CD164: variants seen among roughly 807,000 people sequenced by gnomAD.
CD164 encodes the protein CD164 molecule.
A neutral mutation model predicts 24.6 loss-of-function variants in CD164; 11 were observed. That is an observed-to-expected ratio of 0.45 (90% confidence interval 0.28 to 0.74). The LOEUF is 0.74. Ranked by LOEUF, CD164 falls within the 30% of genes least tolerant of loss-of-function variation. The probability of loss-of-function intolerance (pLI) is 0.13; values close to 1 mark genes in which losing one functional copy is unlikely to be tolerated. For missense variants in CD164, 295 were observed against 243.7 expected (o/e 1.21, Z -1.40); for synonymous variants, 126 against 100.3 (o/e 1.26, Z -1.53).
intron 3 of CD164, among the ~76,000 whole-genome samples, chr6:109,377,398 G>A (rs1008687087): frequency 6.6e-6 from 1 of 152,096 alleles, no homozygotes; most frequent in Non-Finnish European, 1.5e-5. Flanking sequence ...GCAGCTTCAA[G>A]TAGAATTTTA....
intron 2 of CD164, 65 bp downstream of exon 2, chr6:109,379,514 G>T (rs758455228): frequency 8.4e-7 from 1 of 1,186,044 alleles, no homozygotes; most frequent in Non-Finnish European, 1.2e-6. Flanking sequence ...ACTTTCAAGT[G>T]TTCAAGAATT....
intron 5 of CD164, among the ~76,000 whole-genome samples, chr6:109,369,747 C>T (rs1176819352): frequency 6.6e-6 from 1 of 151,958 alleles, no homozygotes; most frequent in East Asian, 1.9e-4. Context: ...AATGGCTTCA[C>T]TGAAACTGAG....
intron 2 of CD164, 61 bp from the exon 3 acceptor site, chr6:109,378,032 A>G: frequency 7.5e-7 from 1 of 1,334,572 alleles, no homozygotes; most frequent in South Asian, 1.2e-5. Context: ...ATTATCTTTG[A>G]CTCTGCTACT....
chr6:109,377,612 C>T (rs530992229), intron 3 of CD164, among the ~76,000 whole-genome samples: 3 of 148,832 alleles, frequency 2.0e-5, no homozygotes, highest in Non-Finnish European at 3.0e-5. Flanking sequence ...GCAAACATAG[C>T]GGCTAAACTG....
At chr6:109,371,398 G>T (rs1229235957) in intron 4 of CD164, 4 of 153,114 alleles carry the variant, frequency 2.6e-5, no homozygotes, top group Non-Finnish European at 5.9e-5. Flanking sequence ...TTACAGGCAT[G>T]TGCCACCACA....
At chr6:109,370,488 C>A in intron 4 of CD164, 21 bp from the exon 5 acceptor site, 1 of 1,603,936 alleles carries the variant, frequency 6.2e-7, no homozygotes, top group South Asian at 1.1e-5. Context: ...AACAAAATGT[C>A]TTTTTAAAAA....
rs753642485 is a variant in CD164, at chr6:109,382,393, T to G, written c.-15A>C. The G allele has an allele frequency of 1.3e-5, 19 of 1,513,030 alleles. No individual in the cohort carries two copies. Among genetic ancestry groups the G allele is most frequent in the Non-Finnish European group, 1.7e-5 (19 of 1,132,500 alleles). 93.7% of individuals were successfully genotyped at this position (1,513,030 alleles called of 1,614,324 possible). A position where few individuals can be genotyped will look rare whatever the true frequency, so the allele number is the denominator to read the frequency against. On this transcript the variant is annotated 5_prime_UTR_variant, in exon 1 of 6. Transcript: ENST00000310786. ...AGCCGCGACATCGTGTCCTCAGCGC[T>G]GGCGTTCGGGAGAAAGCTAAGGCTC...
intron 1 of CD164, chr6:109,380,640 G>A (rs1389394576): frequency 1.3e-5 from 2 of 152,204 alleles, no homozygotes; most frequent in Non-Finnish European, 2.9e-5. Flanking sequence ...TGCTTGACGG[G>A]TGTAGCAAAG....
chr6:109,382,285 T>C lies in CD164; in HGVS notation c.94A>G (p.Asn32Asp). The change falls in exon 1 of 6, where the codon AAC (asparagine) becomes GAC (aspartate). Residue 32 changes from asparagine (N) to aspartate (D), a missense_variant. Transcript: ENST00000310786. ...GAGATGGGCGCTAAAGTCGTCACGT[T>C]CGGGTGCTGGGTCGTGTTCTTGTCC... ...SADKNTTQHP[N>D]VTTLAPISNV... is the part of the protein sequence containing the mutation. 6.3e-7 allele frequency: 1 copy of C among 1,586,924 alleles called. No homozygotes were observed. Among genetic ancestry groups the C allele is most frequent in the Non-Finnish European group, 8.6e-7 (1 of 1,169,354 alleles).
Position 109,367,345 on chromosome 6 carries a change from T to C in CD164, c.*1506A>G, listed in dbSNP as rs936997181. Reference sequence around the variant, plus strand: ...TGTTTATGAAATGAAACAAAGCAGTTTGTCATTTCTTACTATAAAATATTG... The same window carrying C: ...TGTTTATGAAATGAAACAAAGCAGTCTGTCATTTCTTACTATAAAATATTG... On this transcript the variant is annotated 3_prime_UTR_variant, in exon 6 of 6. Coordinates refer to ENST00000310786, the MANE Select transcript of CD164 (RefSeq NM_006016.6). 4.6e-5 allele frequency: 7 copies of C among 152,594 alleles called. No individual in the cohort carries two copies. The highest frequency in any genetic ancestry group is 1.9e-4 in the East Asian group (1 of 5,202). 9.5% of individuals were successfully genotyped at this position (152,594 alleles called of 1,614,324 possible).
intron 1 of CD164, 69 bp from the exon 2 acceptor site, chr6:109,379,731 C>T (rs1771628641): frequency 1.7e-6 from 2 of 1,197,378 alleles, no homozygotes; most frequent in South Asian, 1.3e-5. Context: ...ATCTGTATTA[C>T]TTATCTTTTT....
intron 1 of CD164, among the ~76,000 whole-genome samples, chr6:109,381,015 A>G (rs979015233): frequency 6.6e-6 from 1 of 152,226 alleles, no homozygotes; most frequent in Non-Finnish European, 1.5e-5. Context: ...TAAAATACTA[A>G]AACTAGAGGA....
In CD164 at chr6:109,368,290, A is replaced by G; in HGVS notation, c.*561T>C. 1 of 1,543,246 alleles carries G rather than the reference A, an allele frequency of 6.5e-7. No homozygotes were observed. The highest frequency in any genetic ancestry group is 8.7e-7 in the Non-Finnish European group (1 of 1,143,178). On this transcript the variant is annotated 3_prime_UTR_variant, in exon 6 of 6. Transcript: ENST00000310786. ...CTAATGGTATCCTTTCATTTCTTTA[A>G]ATCTGGAATGTAGTTCCTTGTGTGG... is the stretch of plus-strand genomic sequence containing the variant.
In CD164 at chr6:109,382,261, A is replaced by T; in HGVS notation, c.118T>A (p.Ser40Thr). 1 of 1,589,776 alleles carries T rather than the reference A, an allele frequency of 6.3e-7. No individual in the cohort carries two copies. The highest frequency in any genetic ancestry group is 8.5e-7 in the Non-Finnish European group (1 of 1,170,750). Residue 40 changes from serine (S) to threonine (T), a missense_variant, in exon 1 of 6, where the codon TCC becomes ACC. By Grantham distance (58) the Ser-to-Thr change is moderately conservative. Transcript: ENST00000310786. ...GTCACCGGCGCCGAGGTTACGTTGG[A>T]GATGGGCGCTAAAGTCGTCACGTTC... ...HPNVTTLAPI[S>T]NVTSAPVTSL... is the part of the protein sequence containing the mutation.
In CD164 at chr6:109,378,695, T is replaced by A. The variant is rs573111542; in HGVS notation, c.260-724A>T. On this transcript the variant is annotated intron_variant, in intron 2 of 5. Transcript: ENST00000310786. ...ATTCACCAACTCTTACATACTCCCA[T>A]ATAAAGGGGAAAGAGTACGCCCTTA... Among the ~76,000 whole-genome samples, 11 of 152,212 alleles carry A rather than the reference T, an allele frequency of 7.2e-5. No individual in the cohort carries two copies. The East Asian group carries it at 2.1e-3, about 29-fold the overall frequency.
At chr6:109,382,072 G>A (rs1771786109) in intron 1 of CD164, 132 bp downstream of exon 1, 1 of 745,194 alleles carries the variant, frequency 1.3e-6, no homozygotes, top group Non-Finnish European at 1.8e-6. Context: ...TGTTGCCGGA[G>A]TCGCCGCCGC....
intron 1 of CD164, chr6:109,381,839 G>A (rs1771769873): frequency 3.7e-6 from 2 of 533,520 alleles, no homozygotes; most frequent in South Asian, 2.3e-5. Context: ...CGCGACGCCC[G>A]GCCCCATCCT....
chr6:109,370,789 G>GA (rs768542115), intron 4 of CD164: 9 of 229,514 alleles, frequency 3.9e-5, no homozygotes, highest in Non-Finnish European at 6.8e-5. Context: ...TTTAGGTGAG[G>GA]AAACTATAGG....
chr6:109,379,640 G>C lies in CD164; in HGVS notation c.198C>G (p.Ser66Arg), dbSNP rs1771620702. ...PAPETCEGRN[S>R]CVSCFNVSVV... The stretch of plus-strand genomic sequence containing the variant: ...CGCTAACATTAAAACAGGAAACGCA[G>C]CTGTTTCGACCTTCACAGGTTTCTG... The change falls in exon 2 of 6, where the codon AGC (serine) becomes AGG (arginine). Residue 66 changes from serine to arginine, a missense_variant. Physicochemically the swap from Ser to Arg is moderately radical, Grantham distance 110. Coordinates refer to ENST00000310786, the MANE Select transcript of CD164 (RefSeq NM_006016.6). 7 of 1,613,380 alleles carry C rather than the reference G, an allele frequency of 4.3e-6. No individual in the cohort carries two copies. Among genetic ancestry groups the C allele is most frequent in the Non-Finnish European group, 5.9e-6 (7 of 1,179,764 alleles).
Sources: gnomAD v4.1 joint callset for allele counts (sites outside exome capture counted in the v4.1 genomes callset) on GRCh38, gnomAD v4.1.1 for gene constraint, MANE v1.5 for transcripts, NCBI Gene and HGNC (gene_info 2026-07-23, HGNC 2026-07-21) for gene names.